NSD1: variants seen among roughly 807,000 people sequenced by gnomAD.
The protein encoded by NSD1 is nuclear receptor binding SET domain protein 1, also known as histone-lysine N-methyltransferase, H3 lysine-36 specific.
A neutral mutation model predicts 242.7 loss-of-function variants in NSD1; 26 were observed. The ratio of observed to expected loss-of-function variants is 0.11; its 90% CI spans 0.08 to 0.15. The LOEUF is 0.15. Ranked by LOEUF, NSD1 falls within the 10% of genes least tolerant of loss-of-function variation. NSD1 has a pLI of 1.00. For synonymous variants in NSD1, 1,106 were observed against 1,178.1 expected, an observed-to-expected ratio of 0.94 and a Z score of 1.25; for missense variants, 2,495 against 3,272.8, an observed-to-expected ratio of 0.76 and a Z score of 5.80.
At position 177,296,711 on chromosome 5, in the gene NSD1, A is replaced by G. The variant is rs906580723; in HGVS notation, c.*1252A>G. On this transcript the variant is annotated 3_prime_UTR_variant, in exon 23 of 23. Transcript: ENST00000439151. ...ACGTCCAGGCTAAGAGATGACTCCT[A>G]TTAACTGCTGATTATCTGTTACTGC... is the stretch of plus-strand genomic sequence containing the variant. 11 of 233,232 alleles carry G rather than the reference A, an allele frequency of 4.7e-5. No homozygotes were observed. The highest frequency in any genetic ancestry group is 5.6e-5 in the Admixed American group (1 of 17,776). 14.4% of individuals were successfully genotyped at this position (233,232 alleles called of 1,614,324 possible).
chr5:177,160,096 G>C (rs1758617180), intron 2 of NSD1, among the ~76,000 whole-genome samples: 1 of 151,728 alleles, frequency 6.6e-6, no homozygotes, highest in South Asian at 2.1e-4. Context: ...TCACCATGTT[G>C]GCCAGGCTGA....
intron 2 of NSD1, among the ~76,000 whole-genome samples, chr5:177,158,274 TTTCTTTCTTTC>T (rs1188068357): frequency 9.6e-6 from 1 of 104,474 alleles, no homozygotes; most frequent in Non-Finnish European, 1.7e-5. Flanking sequence ...TCTTTCTTTC[TTTCTTTCTTTC>T]TTTCTTTCTT....
intron 2 of NSD1, chr5:177,137,166 AT>A: frequency 8.2e-6 from 3 of 365,868 alleles, no homozygotes. Context: ...CTTAGCCTCA[AT>A]TTTATTGCGT....
At chr5:177,274,733 T>G (rs1239578253) in intron 17 of NSD1, among the ~76,000 whole-genome samples, 4 of 145,546 alleles carry the variant, frequency 2.7e-5, no homozygotes, top group South Asian at 4.2e-4. Context: ...GTGTGTTGTT[T>G]TTTTGTTTGT....
chr5:177,204,040 G>T, intron 3 of NSD1, 80 bp from the exon 4 acceptor site: 1 of 1,330,552 alleles, frequency 7.5e-7, no homozygotes, highest in Non-Finnish European at 1.1e-6. Context: ...CTTCTTTGGC[G>T]GCAATGATGT....
rs758587958 is a variant in NSD1 at position 177,135,754 on chromosome 5, T to C, written c.651T>C (p.Ser217=). Residue 217 remains serine (S), a synonymous_variant, in exon 2 of 23, where the codon AGT becomes AGC. Coordinates refer to ENST00000439151, the MANE Select transcript of NSD1 (RefSeq NM_022455.5). ...GTGAACAAGACAGCACACCAGAGAG[T>C]AGACACGGTGCAGTCAAATCGCCAT... is the stretch of plus-strand genomic sequence containing the variant. ...MGSEQDSTPE[S]RHGAVKSPFL... 3 of 1,613,388 alleles carry C rather than the reference T, an allele frequency of 1.9e-6. No individual in the cohort carries two copies. The highest frequency in any genetic ancestry group is 2.2e-5 in the South Asian group (2 of 91,052).
intron 14 of NSD1, chr5:177,266,805 C>G (rs189796713): frequency 3.6e-4 from 77 of 216,774 alleles, no homozygotes; most frequent in African/African-American, 1.7e-3. Context: ...TGGCTCATTT[C>G]TTTTTGGCAA....
At chr5:177,162,345 A>G (rs991125457) in intron 2 of NSD1, among the ~76,000 whole-genome samples, 7 of 151,784 alleles carry the variant, frequency 4.6e-5, no homozygotes, top group Non-Finnish European at 7.4e-5. Context: ...GTCTTTCCAA[A>G]TTTTTACTAG....
intron 2 of NSD1, chr5:177,136,873 A>G (rs1353809467): frequency 1.4e-6 from 1 of 696,476 alleles, no homozygotes; most frequent in Non-Finnish European, 2.6e-6. Flanking sequence ...TATTGTTTAG[A>G]GACTGGCCTT....
At chr5:177,170,553 A>G (rs1026969266) in intron 2 of NSD1, among the ~76,000 whole-genome samples, 2 of 151,716 alleles carry the variant, frequency 1.3e-5, no homozygotes, top group East Asian at 2.0e-4. Flanking sequence ...GGGTTTCACC[A>G]TGTTGCCCAG....
chr5:177,174,225 C>T (rs549224914), intron 2 of NSD1, among the ~76,000 whole-genome samples: 11 of 152,068 alleles, frequency 7.2e-5, no homozygotes, highest in Non-Finnish European at 1.2e-4. Context: ...ATTAGCAGGG[C>T]GTGGTGGTGC....
At chr5:177,230,086 G>A (rs1278643920) in intron 5 of NSD1, among the ~76,000 whole-genome samples, 2 of 151,896 alleles carry the variant, frequency 1.3e-5, no homozygotes, top group Non-Finnish European at 2.9e-5. Flanking sequence ...TCACCATGCT[G>A]TTTCACTTAC....
chr5:177,234,670 C>T (rs1765307025), intron 5 of NSD1, among the ~76,000 whole-genome samples: 1 of 152,146 alleles, frequency 6.6e-6, no homozygotes, highest in Non-Finnish European at 1.5e-5. Flanking sequence ...GAGCTGAGAT[C>T]ATGCTGCTGC....
chr5:177,267,855 C>T (rs1757623297), intron 15 of NSD1, 137 bp downstream of exon 15: 2 of 866,426 alleles, frequency 2.3e-6, no homozygotes, highest in Non-Finnish European at 3.7e-6. Flanking sequence ...TGATTTTTTT[C>T]CTTATAGGAA....
chr5:177,265,015 T>C, intron 14 of NSD1: 2 of 783,426 alleles, frequency 2.6e-6, no homozygotes, highest in Non-Finnish European at 4.6e-6. Context: ...GCAAGATTCT[T>C]GCCAAGAGAT....
rs1040182418 is a variant in NSD1 at position 177,170,286 on chromosome 5, A to AT, written c.928-21589dup. Among the ~76,000 whole-genome samples the AT allele has an allele frequency of 2.1e-4, 31 of 144,914 alleles. 1 individual carries two copies. In the South Asian group the frequency reaches 4.2e-3, roughly 20 times the overall value. On this transcript the variant is annotated intron_variant, in intron 2 of 22. Transcript: ENST00000439151. ...CGCGCCCAGCTGTGGTGTATAATTT[A>AT]TTTTTTTTTCTTTTTTTGGTGGGAG...
In NSD1 at chr5:177,204,299, A is replaced by G; in HGVS notation, c.1236+7A>G. ...AAAAGGATATAGGCATAAGGTAGGA[A>G]ACGAAAAAGGCTTTTTATTGAGTGA... On this transcript the variant is annotated splice_region_variant and intron_variant, in intron 4 of 22. Transcript: ENST00000439151. The G allele has an allele frequency of 1.2e-6, 2 of 1,612,952 alleles. No individual in the cohort carries two copies. Among genetic ancestry groups the G allele is most frequent in the Non-Finnish European group, 1.7e-6 (2 of 1,179,218 alleles).
chr5:177,235,479 T>G (rs560323997), intron 5 of NSD1, among the ~76,000 whole-genome samples: 4 of 152,348 alleles, frequency 2.6e-5, no homozygotes, highest in African/African-American at 9.6e-5. Flanking sequence ...TTACCTGATC[T>G]AGATGCTACA....
intron 8 of NSD1, among the ~76,000 whole-genome samples, chr5:177,241,406 G>A (rs1765856409): frequency 6.6e-6 from 1 of 151,772 alleles, no homozygotes; most frequent in Admixed American, 6.6e-5. Flanking sequence ...TCAGGAGGCT[G>A]AGACAGGAGA....
Sources: gnomAD v4.1 joint callset for allele counts (sites outside exome capture counted in the v4.1 genomes callset) on GRCh38, gnomAD v4.1.1 for gene constraint, MANE v1.5 for transcripts, NCBI Gene and HGNC (gene_info 2026-07-23, HGNC 2026-07-21) for gene names.